Variants in PSIP1 observed in about 807,000 individuals in gnomAD.
PSIP1 encodes PC4 and SFRS1-interacting protein.
A neutral mutation model predicts 74.7 loss-of-function variants in PSIP1; 19 were observed. That is an observed-to-expected ratio of 0.25 (90% CI 0.18 to 0.37). The LOEUF is 0.37. Among genes scored for constraint, PSIP1 ranks in the 10% least tolerant of loss-of-function variants. The probability of loss-of-function intolerance (pLI) is 1.00; values close to 1 mark genes in which losing one functional copy is unlikely to be tolerated. For synonymous variants in PSIP1, 222 were observed against 195.3 expected (o/e 1.14, Z -1.14); for missense variants, 601 against 614.3 (o/e 0.98, Z 0.23).
At chr9:15,483,111 T>A (rs1163793485) in intron 6 of PSIP1, among the ~76,000 whole-genome samples, 3 of 152,148 alleles carry the variant, frequency 2.0e-5, no homozygotes. Flanking sequence ...ATCCTCTCAA[T>A]AAACCGTTCT....
intron 3 of PSIP1, among the ~76,000 whole-genome samples, chr9:15,498,348 G>A (rs958290760): frequency 6.6e-6 from 1 of 152,084 alleles, no homozygotes; most frequent in Non-Finnish European, 1.5e-5. Flanking sequence ...TTCGGGAGGC[G>A]GAGATTGCAG....
chr9:15,473,216 T>C (rs2132054000), intron 9 of PSIP1, among the ~76,000 whole-genome samples: 1 of 152,348 alleles, frequency 6.6e-6, no homozygotes, highest in South Asian at 2.1e-4. Flanking sequence ...ACAGCTTTAA[T>C]GAGGTTCCCA....
At chr9:15,503,380 TAAAA>T (rs1229196452) in intron 3 of PSIP1, among the ~76,000 whole-genome samples, 1 of 147,506 alleles carries the variant, frequency 6.8e-6, no homozygotes, top group East Asian at 2.0e-4. Flanking sequence ...AATAAAAAAA[TAAAA>T]AAATAAAGTA....
At chr9:15,475,914 A>G (rs1451398475) in intron 8 of PSIP1, among the ~76,000 whole-genome samples, 1 of 152,194 alleles carries the variant, frequency 6.6e-6, no homozygotes, top group Admixed American at 6.5e-5. Flanking sequence ...AGACTAATGC[A>G]AACACAACCC....
At chr9:15,486,789 C>A (rs2036571768) in intron 5 of PSIP1, 38 bp downstream of exon 5, 1 of 1,435,800 alleles carries the variant, frequency 7.0e-7, no homozygotes, top group East Asian at 2.3e-5. Context: ...TTCCTTGAAA[C>A]AAAATGGGTT....
At chr9:15,469,163 A>G in intron 12 of PSIP1, 103 bp downstream of exon 12, 1 of 1,329,718 alleles carries the variant, frequency 7.5e-7, no homozygotes. Flanking sequence ...CAAAATGACC[A>G]GTAATTATCC....
intron 2 of PSIP1, among the ~76,000 whole-genome samples, chr9:15,508,517 G>A (rs568232797): frequency 6.6e-6 from 1 of 152,332 alleles, no homozygotes; most frequent in Admixed American, 6.5e-5. Context: ...TAACATATGA[G>A]CGTGGGGAGG....
intron 3 of PSIP1, among the ~76,000 whole-genome samples, chr9:15,496,068 G>A (rs1223192494): frequency 1.3e-5 from 2 of 152,182 alleles, no homozygotes; most frequent in African/African-American, 4.8e-5. Context: ...GCATGATTTT[G>A]AGAAACCAAT....
rs992577812 is a variant in PSIP1 at position 15,464,840 on chromosome 9, G to T, written c.*680C>A. Reference sequence around the variant, plus strand: ...GTCCTAAGACTTCACTGAATGCCCAGCCACAAAACTAAATTACCTTCAAAA... The same window carrying T: ...GTCCTAAGACTTCACTGAATGCCCATCCACAAAACTAAATTACCTTCAAAA... On this transcript the variant is annotated 3_prime_UTR_variant, in exon 16 of 16. Coordinates refer to ENST00000380733, the MANE Select transcript of PSIP1 (RefSeq NM_033222.5). The T allele has an allele frequency of 4.8e-6, 1 of 208,420 alleles. No homozygotes were observed. Among genetic ancestry groups the T allele is most frequent in the Admixed American group, 5.9e-5 (1 of 16,900 alleles). The allele number at this position is 208,420 out of a possible 1,614,324, so 12.9% of individuals were successfully genotyped here.
chr9:15,467,390 A>T (rs376275955), intron 14 of PSIP1, among the ~76,000 whole-genome samples: 1 of 152,226 alleles, frequency 6.6e-6, no homozygotes, highest in Admixed American at 6.5e-5. Flanking sequence ...CAACAAAAAC[A>T]AAAAACCAAC....
At chr9:15,495,479 G>A (rs1172015455) in intron 3 of PSIP1, among the ~76,000 whole-genome samples, 1 of 152,070 alleles carries the variant, frequency 6.6e-6, no homozygotes, top group African/African-American at 2.4e-5. Flanking sequence ...ATAAGGAAAT[G>A]AAATAGTAAA....
chr9:15,487,767 G>A lies in PSIP1; in HGVS notation c.289-836C>T, dbSNP rs377373575. On this transcript the variant is annotated intron_variant, in intron 4 of 15. Coordinates refer to ENST00000380733, the MANE Select transcript of PSIP1 (RefSeq NM_033222.5). The stretch of plus-strand genomic sequence containing the variant: ...TAGTGATTAGCTATTCTTCTCACAC[G>A]TGTACATGCTGGGCACACAGGACAT... 1.4e-4 allele frequency among the ~76,000 whole-genome samples: 22 copies of A among 152,278 alleles called. No homozygotes were observed. The South Asian group carries it at 4.1e-3, about 29-fold the overall frequency.
At chr9:15,473,484 G>C (rs989708423) in intron 9 of PSIP1, among the ~76,000 whole-genome samples, 2 of 152,306 alleles carry the variant, frequency 1.3e-5, no homozygotes, top group African/African-American at 4.8e-5. Context: ...ATAAAGGGAC[G>C]TTTTCAATAT....
intron 6 of PSIP1, among the ~76,000 whole-genome samples, chr9:15,480,520 G>A (rs919259659): frequency 2.0e-5 from 3 of 152,164 alleles, no homozygotes; most frequent in Non-Finnish European, 4.4e-5. Flanking sequence ...AGCATGTGGA[G>A]AATCATTCAT....
At chr9:15,504,477 G>C (rs115311018) in intron 3 of PSIP1, among the ~76,000 whole-genome samples, 2 of 151,950 alleles carry the variant, frequency 1.3e-5, no homozygotes, top group Non-Finnish European at 2.9e-5. Context: ...GTATAAAATC[G>C]GTTCCATTCC....
intron 6 of PSIP1, among the ~76,000 whole-genome samples, chr9:15,482,093 A>G (rs1412902264): frequency 6.6e-6 from 1 of 152,060 alleles, no homozygotes; most frequent in African/African-American, 2.4e-5. Flanking sequence ...TTCTAGCTCT[A>G]CCAGCTTCCT....
chr9:15,504,135 A>G (rs374463007), intron 3 of PSIP1, among the ~76,000 whole-genome samples: 4 of 152,222 alleles, frequency 2.6e-5, no homozygotes, highest in Non-Finnish European at 5.9e-5. Flanking sequence ...TGGTATAATC[A>G]TAAGAACACT....
chr9:15,489,756 T>A (rs2036740438), intron 4 of PSIP1, among the ~76,000 whole-genome samples: 1 of 151,818 alleles, frequency 6.6e-6, no homozygotes, highest in Admixed American at 6.6e-5. Flanking sequence ...CTATCAGGAG[T>A]TAAATAACTG....
chr9:15,489,608 C>CA (rs1278277874), intron 4 of PSIP1, among the ~76,000 whole-genome samples: 2,948 of 44,992 alleles, frequency 0.066, 95 homozygotes, highest in African/African-American at 0.099. Context: ...AACTACACCT[C>CA]AAAAAAAAAA....
Sources: allele counts gnomAD v4.1 joint callset (sites outside exome capture counted in the v4.1 genomes callset), GRCh38; gene constraint gnomAD v4.1.1; transcripts MANE v1.5; gene names NCBI Gene and HGNC (gene_info 2026-07-23, HGNC 2026-07-21).